The following NME8 variants were observed in gnomAD, a reference collection of about 807,000 sequenced individuals.
The protein encoded by NME8 is protein NME8.
NME8 carries 72 observed loss-of-function variants against 82.3 expected under a neutral mutation model. That is an observed-to-expected ratio of 0.87 (90% CI 0.72 to 1.06). NME8 has a LOEUF of 1.06. NME8 is among the 50% of genes least tolerant of loss of function. NME8 has a pLI of 0.00. For missense variants in NME8, 712 were observed against 685.4 expected, an observed-to-expected ratio of 1.04 and a Z score of -0.43; for synonymous variants, 267 against 228.5, an observed-to-expected ratio of 1.17 and a Z score of -1.52.
chr7:37,858,786 A>G (rs919847405), intron 6 of NME8, among the ~76,000 whole-genome samples: 1 of 152,148 alleles, frequency 6.6e-6, no homozygotes, highest in African/African-American at 2.4e-5. Context: ...TTTCCTCCAA[A>G]TCTCATGCAG....
intron 9 of NME8, 133 bp downstream of exon 9, chr7:37,864,554 G>C: frequency 1.1e-6 from 1 of 913,046 alleles, no homozygotes; most frequent in Non-Finnish European, 1.6e-6. Context: ...ACCTCTAGAG[G>C]CTTTGAGTAC....
At chr7:37,877,993 A>C (rs538664364) in intron 12 of NME8, among the ~76,000 whole-genome samples, 1 of 152,282 alleles carries the variant, frequency 6.6e-6, no homozygotes, top group East Asian at 1.9e-4. Context: ...TCATTGAGCT[A>C]GCTAGCACAT....
chr7:37,854,743 C>A (rs1165333274), intron 5 of NME8, among the ~76,000 whole-genome samples: 1 of 152,070 alleles, frequency 6.6e-6, no homozygotes. Context: ...TCTGTTAATT[C>A]CTCTGGTGTG....
At chr7:37,886,761 C>A (rs1282228851) in intron 14 of NME8, among the ~76,000 whole-genome samples, 1 of 152,034 alleles carries the variant, frequency 6.6e-6, no homozygotes, top group Non-Finnish European at 1.5e-5. Flanking sequence ...AATCCCTAAC[C>A]CCTGGCAATC....
chr7:37,884,255 C>A (rs774080938), intron 12 of NME8, 48 bp from the exon 13 acceptor site: 3 of 1,245,742 alleles, frequency 2.4e-6, no homozygotes, highest in Non-Finnish European at 3.5e-6. Context: ...GTGTACATAA[C>A]CAGTAATCTA....
chr7:37,865,601 G>T lies in NME8; in HGVS notation c.605G>T (p.Ser202Ile). ...LTEEQVVNFY[S>I]RIADQCDFEE... The stretch of plus-strand genomic sequence containing the variant: ...GAAGAACAAGTTGTCAACTTCTATA[G>T]TCGAATAGCAGACCAGGTATGAAAG... Residue 202 changes from serine (S) to isoleucine (I), a missense_variant, in exon 10 of 18, where the codon AGT becomes ATT. By Grantham distance (142) the Ser-to-Ile change is moderately radical (BLOSUM62 -2). Transcript: ENST00000199447. 6.2e-7 allele frequency: 1 copy of T among 1,610,662 alleles called. No homozygotes were observed. The highest frequency in any genetic ancestry group is 8.5e-7 in the Non-Finnish European group (1 of 1,176,988).
chr7:37,863,708 C>A (rs1329683658), intron 8 of NME8, among the ~76,000 whole-genome samples: 2 of 152,190 alleles, frequency 1.3e-5, no homozygotes, highest in Non-Finnish European at 2.9e-5. Context: ...GGATTCCTGT[C>A]TCCTGTGACT....
At chr7:37,874,992 C>T (rs188990477) in intron 11 of NME8, among the ~76,000 whole-genome samples, 41 of 152,200 alleles carry the variant, frequency 2.7e-4, no homozygotes, top group Admixed American at 2.4e-3. Flanking sequence ...GAGCAAGTAA[C>T]GGACCAAGAA....
At chr7:37,885,009 C>G in intron 13 of NME8, 136 bp from the exon 14 acceptor site, 2 of 665,816 alleles carry the variant, frequency 3.0e-6, no homozygotes, top group Non-Finnish European at 5.3e-6. Flanking sequence ...AAAAAAATCA[C>G]AGACCTCTGT....
intron 8 of NME8, 21 bp from the exon 9 acceptor site, chr7:37,864,327 T>A: frequency 6.3e-7 from 1 of 1,588,264 alleles, no homozygotes; most frequent in Non-Finnish European, 8.6e-7. Context: ...AAATTCTGTC[T>A]TTTTCTAAAT....
intron 15 of NME8, among the ~76,000 whole-genome samples, chr7:37,889,824 C>T (rs1312907771): frequency 6.6e-6 from 1 of 151,866 alleles, no homozygotes; most frequent in East Asian, 1.9e-4. Flanking sequence ...TAAAACCAGC[C>T]TTACAGTTTG....
intron 6 of NME8, among the ~76,000 whole-genome samples, chr7:37,858,962 CT>C (rs1294560786): frequency 6.6e-6 from 1 of 152,044 alleles, no homozygotes; most frequent in African/African-American, 2.4e-5. Context: ...ACTGTCTCAC[CT>C]TTCTCTCACT....
chr7:37,855,964 A>T (rs565359572), intron 5 of NME8, among the ~76,000 whole-genome samples: 64 of 152,132 alleles, frequency 4.2e-4, no homozygotes, highest in Non-Finnish European at 7.6e-4. Context: ...TTACTCTTAG[A>T]CTGGATTCTT....
rs1344431047 is a variant in NME8 at position 37,866,189 on chromosome 7, A to G, written c.621+572A>G. Among the ~76,000 whole-genome samples the G allele has an allele frequency of 3.3e-5, 5 of 152,088 alleles. No individual in the cohort carries two copies. The East Asian group carries it at 9.6e-4, about 29-fold the overall frequency. ...CTGTCCAATATGGTAGCTACTAGAT[A>G]CATGTGATCATTTGAATTTAAATTC... On this transcript the variant is annotated intron_variant, in intron 10 of 17. Coordinates refer to ENST00000199447, the MANE Select transcript of NME8 (RefSeq NM_016616.5).
At position 37,871,244 on chromosome 7, in the gene NME8, ACT is replaced by A. The variant is rs1394249199; in HGVS notation, c.818+3352_818+3353del. On this transcript the variant is annotated intron_variant, in intron 11 of 17. Transcript: ENST00000199447. ...TTATGAATTCACATGCTGTGGGGAAACTCTCTCCATGCCATCGATGGTCTGCC... is the reference window on the plus strand; with the variant it reads ...TTATGAATTCACATGCTGTGGGGAAACTCTCCATGCCATCGATGGTCTGCC... 1.1e-4 allele frequency among the ~76,000 whole-genome samples: 16 copies of A among 151,758 alleles called. 1 individual carries two copies. The South Asian group carries it at 2.5e-3, about 24-fold the overall frequency.
At chr7:37,876,807 TA>T (rs774993830) in intron 11 of NME8, 24 bp from the exon 12 acceptor site, 1 of 1,539,862 alleles carries the variant, frequency 6.5e-7, no homozygotes, top group Non-Finnish European at 9.0e-7. Context: ...ATAATAATCT[TA>T]AATTATATTT....
intron 8 of NME8, 71 bp from the exon 9 acceptor site, chr7:37,864,277 G>A: frequency 6.6e-7 from 1 of 1,515,890 alleles, no homozygotes; most frequent in Non-Finnish European, 9.0e-7. Flanking sequence ...ATTGCTAATT[G>A]CCAGATCCTT....
intron 5 of NME8, among the ~76,000 whole-genome samples, chr7:37,851,225 A>T (rs1784434645): frequency 6.6e-6 from 1 of 152,258 alleles, no homozygotes; most frequent in African/African-American, 2.4e-5. Context: ...ATCTATTCAC[A>T]TAAAATGATC....
chr7:37,867,469 T>C (rs1204239507), intron 10 of NME8, among the ~76,000 whole-genome samples: 3 of 152,154 alleles, frequency 2.0e-5, no homozygotes, highest in Admixed American at 6.5e-5. Flanking sequence ...ATTTTCTTTA[T>C]TGAAACATCA....
Sources: gnomAD v4.1 joint callset for allele counts (sites outside exome capture counted in the v4.1 genomes callset) on GRCh38, gnomAD v4.1.1 for gene constraint, MANE v1.5 for transcripts, NCBI Gene and HGNC (gene_info 2026-07-23, HGNC 2026-07-21) for gene names.